Variants in CREB5 observed in about 807,000 individuals in gnomAD.
The protein encoded by CREB5 is cAMP responsive element binding protein 5.
In CREB5, 19 loss-of-function variants were observed where a neutral mutation model predicts 57.1. The ratio of observed to expected loss-of-function variants is 0.33; its 90% CI spans 0.23 to 0.49. The LOEUF (loss-of-function observed/expected upper bound fraction) is 0.49, where lower values mean the gene tolerates loss of function less well. Ranked by LOEUF, CREB5 falls within the 20% of genes least tolerant of loss-of-function variation. The pLI, the probability that CREB5 is intolerant of heterozygous loss-of-function variation, is 0.99. For synonymous variants in CREB5, 238 were observed against 238.3 expected, an observed-to-expected ratio of 1.00 and a Z score of 0.01; for missense variants, 579 against 671.6, an observed-to-expected ratio of 0.86 and a Z score of 1.52.
intron 1 of CREB5, among the ~76,000 whole-genome samples, chr7:28,402,879 G>A (rs1787501746): frequency 1.3e-5 from 2 of 152,196 alleles, no homozygotes; most frequent in African/African-American, 4.8e-5. Context: ...CCATCAGAGT[G>A]TATAGGCAAT....
In CREB5 at chr7:28,787,237, C is replaced by T. The variant is rs540164729; in HGVS notation, c.703-16962C>T. On this transcript the variant is annotated intron_variant, in intron 7 of 10. Transcript: ENST00000357727. Reference sequence around the variant, plus strand: ...TCTGTGGCTCCTGAAAAGAAGTGGCCCAGCCTCAAAACACATTGACTCAAT... The same window carrying T: ...TCTGTGGCTCCTGAAAAGAAGTGGCTCAGCCTCAAAACACATTGACTCAAT... Among the ~76,000 whole-genome samples the T allele has an allele frequency of 1.5e-3, 236 of 152,274 alleles. 1 individual carries two copies. The highest frequency in any genetic ancestry group is 3.4e-3 in the Middle Eastern group (1 of 294).
chr7:28,398,629 T>C (rs1787385466), intron 1 of CREB5, among the ~76,000 whole-genome samples: 1 of 152,218 alleles, frequency 6.6e-6, no homozygotes, highest in Non-Finnish European at 1.5e-5. Flanking sequence ...AACTGTATAT[T>C]ATGCCCAGAT....
At position 28,535,096 on chromosome 7, in the gene CREB5, C is replaced by T. The variant is rs1490979932; in HGVS notation, c.291+27359C>T. 2.1e-5 allele frequency among the ~76,000 whole-genome samples: 3 copies of T among 141,184 alleles called. No homozygotes were observed. The East Asian group carries it at 5.9e-4, about 28-fold the overall frequency. 92.6% of individuals were successfully genotyped at this position (141,184 alleles called of 152,430 possible). ...GCAATGGGATATTGTGGCCCCTTTG[C>T]TGTCCCATGGTCACCCCATCTACAC... On this transcript the variant is annotated intron_variant, in intron 4 of 10. Transcript: ENST00000357727.
At chr7:28,789,821 T>G (rs987787260) in intron 7 of CREB5, among the ~76,000 whole-genome samples, 9 of 152,092 alleles carry the variant, frequency 5.9e-5, no homozygotes, top group African/African-American at 2.2e-4. Context: ...TGATACATAC[T>G]CTATCCTTAA....
At chr7:28,336,950 C>T (rs975955593) in intron 1 of CREB5, among the ~76,000 whole-genome samples, 2 of 152,114 alleles carry the variant, frequency 1.3e-5, no homozygotes, top group African/African-American at 4.8e-5. Context: ...TCTTCATTGA[C>T]TCACTAGTCA....
chr7:28,367,416 A>G (rs55664657), intron 1 of CREB5, among the ~76,000 whole-genome samples: 4,045 of 152,316 alleles, frequency 0.027, 108 homozygotes, highest in Admixed American at 0.06. Flanking sequence ...AGAAAATGGT[A>G]CCATCATTCT....
chr7:28,478,198 C>A (rs1314327654), intron 1 of CREB5, among the ~76,000 whole-genome samples: 1 of 152,214 alleles, frequency 6.6e-6, no homozygotes, highest in Admixed American at 6.5e-5. Context: ...TTCTGGTGAA[C>A]CTTGTGCAGA....
rs1433011347 is a variant in CREB5 at position 28,562,291 on chromosome 7, T to C, written c.292-8074T>C. Among the ~76,000 whole-genome samples the C allele has an allele frequency of 2.6e-5, 4 of 152,202 alleles. No individual in the cohort carries two copies. The East Asian group carries it at 7.7e-4, about 29-fold the overall frequency. On this transcript the variant is annotated intron_variant, in intron 4 of 10. Coordinates refer to ENST00000357727, the MANE Select transcript of CREB5 (RefSeq NM_182898.4). ...GACCAGGAAGGGGCAGAATCTTTCT[T>C]TGAGAGACACTTGGAAACTGTTTCT...
chr7:28,398,837 G>A (rs1244669825), intron 1 of CREB5, among the ~76,000 whole-genome samples: 5 of 151,838 alleles, frequency 3.3e-5, no homozygotes, highest in South Asian at 2.1e-4. Flanking sequence ...TCAGCCTCCC[G>A]AGCAGCTGGG....
intron 4 of CREB5, among the ~76,000 whole-genome samples, chr7:28,551,458 C>T (rs955795238): frequency 3.3e-5 from 5 of 152,154 alleles, no homozygotes; most frequent in Non-Finnish European, 7.3e-5. Context: ...AATTCCTTCC[C>T]GGGTTCATAT....
chr7:28,303,911 G>A (rs955506289), intron 1 of CREB5, among the ~76,000 whole-genome samples: 1 of 152,150 alleles, frequency 6.6e-6, no homozygotes, highest in Non-Finnish European at 1.5e-5. Flanking sequence ...GGCAGTAAAA[G>A]TGGAATAAAA....
intron 5 of CREB5, among the ~76,000 whole-genome samples, chr7:28,598,133 A>T (rs1356070719): frequency 1.3e-5 from 2 of 152,108 alleles, no homozygotes; most frequent in African/African-American, 4.8e-5. Flanking sequence ...GGGACCCAGG[A>T]GGAAGTAATT....
chr7:28,560,919 T>C (rs13245587), intron 4 of CREB5, among the ~76,000 whole-genome samples: 2,879 of 42,600 alleles, frequency 0.068, 352 homozygotes, highest in African/African-American at 0.18. Context: ...CGTGTGCGTG[T>C]GTGCGCGTGC....
intron 1 of CREB5, among the ~76,000 whole-genome samples, chr7:28,470,559 T>C (rs1419402266): frequency 6.6e-6 from 1 of 152,200 alleles, no homozygotes; most frequent in Non-Finnish European, 1.5e-5. Flanking sequence ...ATCTCTTCAA[T>C]ATATTGATTT....
intron 4 of CREB5, among the ~76,000 whole-genome samples, chr7:28,559,640 A>G (rs977901298): frequency 4.6e-5 from 7 of 152,244 alleles, no homozygotes; most frequent in Non-Finnish European, 1.0e-4. Flanking sequence ...GATTAGGATC[A>G]TAGGCTTAAG....
intron 1 of CREB5, among the ~76,000 whole-genome samples, chr7:28,477,612 T>C (rs779068902): frequency 4.6e-5 from 7 of 152,220 alleles, no homozygotes; most frequent in Non-Finnish European, 1.0e-4. Context: ...ATTAATGGCT[T>C]GGACCTTTTG....
intron 1 of CREB5, among the ~76,000 whole-genome samples, chr7:28,304,258 A>G (rs751406437): frequency 1.3e-5 from 2 of 152,222 alleles, no homozygotes; most frequent in Non-Finnish European, 2.9e-5. Context: ...ATTTAAATAA[A>G]TGAAGATTTA....
At chr7:28,708,458 G>A (rs374551651) in intron 5 of CREB5, among the ~76,000 whole-genome samples, 3 of 152,310 alleles carry the variant, frequency 2.0e-5, no homozygotes, top group Admixed American at 6.5e-5. Context: ...TCCCAGGAGA[G>A]ATATTTGAAA....
chr7:28,548,721 C>G (rs1210460089), intron 4 of CREB5, among the ~76,000 whole-genome samples: 1 of 152,152 alleles, frequency 6.6e-6, no homozygotes, highest in Non-Finnish European at 1.5e-5. Context: ...AACCAGCTGT[C>G]CTAAGGGCCA....
Sources: gnomAD v4.1 joint callset for allele counts (sites outside exome capture counted in the v4.1 genomes callset) on GRCh38, gnomAD v4.1.1 for gene constraint, MANE v1.5 for transcripts, NCBI Gene and HGNC (gene_info 2026-07-23, HGNC 2026-07-21) for gene names.